The following AKAP6 variants were observed in gnomAD, a reference collection of about 807,000 sequenced individuals.
AKAP6 encodes A-kinase anchor protein 6.
In AKAP6, 58 loss-of-function variants were observed where a neutral mutation model predicts 188.5. The ratio of observed to expected loss-of-function variants is 0.31; its 90% CI spans 0.25 to 0.38. The LOEUF is 0.38. Ranked by LOEUF, AKAP6 falls within the 10% of genes least tolerant of loss-of-function variation. The pLI, the probability that AKAP6 is intolerant of heterozygous loss-of-function variation, is 1.00. For missense variants in AKAP6, 2,710 were observed against 2,740.0 expected, an observed-to-expected ratio of 0.99 and a Z score of 0.24; for synonymous variants, 989 against 998.6, an observed-to-expected ratio of 0.99 and a Z score of 0.18.
intron 7 of AKAP6, among the ~76,000 whole-genome samples, chr14:32,660,936 C>G (rs747557080): frequency 0.016 from 685 of 43,964 alleles, 10 homozygotes; most frequent in African/African-American, 0.071. Flanking sequence ...CCCCCCCCCT[C>G]CCAATTCCAG....
At position 32,545,994 on chromosome 14, in the gene AKAP6, C is replaced by A. The variant is rs777699344; in HGVS notation, c.1341C>A (p.Asn447Lys). 6.8e-6 allele frequency: 11 copies of A among 1,614,204 alleles called. No individual in the cohort carries two copies. In the South Asian group the frequency reaches 1.1e-4, roughly 16 times the overall value. Residue 447 changes from asparagine to lysine, a missense_variant, in exon 4 of 14, where the codon AAC becomes AAA. Physicochemically the swap from Asn to Lys is moderately conservative, Grantham distance 94. Coordinates refer to ENST00000280979, the MANE Select transcript of AKAP6 (RefSeq NM_004274.5). ...TGGTATTGCAGTCTTCTTACCCCAA[C>A]AGCCCTTCTGCTGCCAGCCAGTCTT... ...LCLVLQSSYP[N>K]SPSAASQSYE...
intron 2 of AKAP6, among the ~76,000 whole-genome samples, chr14:32,469,774 G>T (rs565898521): frequency 6.7e-6 from 1 of 148,494 alleles, no homozygotes; most frequent in East Asian, 2.0e-4. Context: ...GCTCGGAGAT[G>T]TTTCTAAAGT....
intron 7 of AKAP6, among the ~76,000 whole-genome samples, chr14:32,647,986 G>A (rs973048472): frequency 6.6e-6 from 1 of 152,096 alleles, no homozygotes; most frequent in African/African-American, 2.4e-5. Context: ...GCAAAAGGAA[G>A]TGTACCAAAA....
intron 7 of AKAP6, among the ~76,000 whole-genome samples, chr14:32,615,175 A>AAAAAAAG (rs1886516282): frequency 6.8e-6 from 1 of 147,426 alleles, no homozygotes; most frequent in South Asian, 2.2e-4. Context: ...CTCAAAAAAA[A>AAAAAAAG]AAAAAAAAAA....
chr14:32,461,856 A>C (rs886615761), intron 2 of AKAP6, among the ~76,000 whole-genome samples: 5 of 152,116 alleles, frequency 3.3e-5, no homozygotes, highest in Middle Eastern at 3.4e-3. Context: ...TAAACTGCTA[A>C]CTAGAATAAC....
At chr14:32,329,887 A>C (rs1488329649) in intron 1 of AKAP6, among the ~76,000 whole-genome samples, 1 of 152,136 alleles carries the variant, frequency 6.6e-6, no homozygotes, top group Non-Finnish European at 1.5e-5. Context: ...ACAAATGCTG[A>C]ATAAGCATTT....
At chr14:32,731,795 T>C (rs1261835891) in intron 9 of AKAP6, among the ~76,000 whole-genome samples, 1 of 152,086 alleles carries the variant, frequency 6.6e-6, no homozygotes, top group African/African-American at 2.4e-5. Context: ...AAACATCTTT[T>C]AGGAGAGACT....
rs758637825 is a variant in AKAP6 at position 32,545,459 on chromosome 14, T to A, written c.806T>A (p.Ile269Asn). The change falls in exon 4 of 14, where the codon ATC (isoleucine) becomes AAC (asparagine). Residue 269 changes from isoleucine (I) to asparagine (N), a missense_variant. Coordinates refer to ENST00000280979, the MANE Select transcript of AKAP6 (RefSeq NM_004274.5). The part of the protein sequence containing the change: ...SEMEKEFPEL[I>N]RSVGLLTVAA... ...ATGGAAAAGGAGTTTCCTGAGCTTA[T>A]CCGAAGTGTTGGTTTACTTACGGTA... is the stretch of plus-strand genomic sequence containing the variant. 1 of 1,614,210 alleles carries A rather than the reference T, an allele frequency of 6.2e-7. No individual in the cohort carries two copies. Among genetic ancestry groups the A allele is most frequent in the Non-Finnish European group, 8.5e-7 (1 of 1,180,020 alleles).
chr14:32,780,157 C>T (rs370548242), intron 12 of AKAP6, among the ~76,000 whole-genome samples: 9,840 of 119,524 alleles, frequency 0.082, 1,088 homozygotes, highest in African/African-American at 0.22. Context: ...AAAAAAAAAA[C>T]ATATATATAT....
intron 1 of AKAP6, among the ~76,000 whole-genome samples, chr14:32,408,435 G>T (rs986900848): frequency 2.6e-5 from 4 of 151,252 alleles, no homozygotes; most frequent in African/African-American, 9.7e-5. Context: ...GTACAAAAAG[G>T]TTTTCAGTGT....
intron 12 of AKAP6, among the ~76,000 whole-genome samples, chr14:32,778,674 T>C (rs73256917): frequency 0.011 from 1,685 of 151,654 alleles, 37 homozygotes; most frequent in African/African-American, 0.039. Context: ...AGTCTCCAAG[T>C]AGCTGAGAAT....
At chr14:32,621,336 A>G (rs1390119495) in intron 7 of AKAP6, among the ~76,000 whole-genome samples, 3 of 151,978 alleles carry the variant, frequency 2.0e-5, no homozygotes, top group Non-Finnish European at 4.4e-5. Context: ...TCCTCTTACC[A>G]TTGCTTTTGC....
At chr14:32,420,221 C>T (rs1889796294) in intron 1 of AKAP6, among the ~76,000 whole-genome samples, 1 of 152,160 alleles carries the variant, frequency 6.6e-6, no homozygotes, top group South Asian at 2.1e-4. Context: ...GTAACTACCT[C>T]TATCTTGAAA....
intron 4 of AKAP6, among the ~76,000 whole-genome samples, chr14:32,559,550 G>C (rs1022526737): frequency 3.9e-5 from 6 of 152,158 alleles, no homozygotes; most frequent in African/African-American, 1.4e-4. Context: ...TTGGCCCAGA[G>C]AGTTGGTAGT....
At chr14:32,707,695 TA>T (rs1365563225) in intron 9 of AKAP6, among the ~76,000 whole-genome samples, 2 of 152,236 alleles carry the variant, frequency 1.3e-5, no homozygotes, top group Non-Finnish European at 2.9e-5. Context: ...GCTTATTCAA[TA>T]GTTAATTAAA....
chr14:32,563,013 A>C (rs1208073347), intron 4 of AKAP6, among the ~76,000 whole-genome samples: 1 of 152,174 alleles, frequency 6.6e-6, no homozygotes, highest in Non-Finnish European at 1.5e-5. Flanking sequence ...CTTTCTAGAC[A>C]CACTTTTATA....
intron 9 of AKAP6, among the ~76,000 whole-genome samples, chr14:32,712,765 C>T (rs2029961523): frequency 5.3e-5 from 8 of 152,082 alleles, no homozygotes; most frequent in Admixed American, 5.3e-4. Context: ...GCTATTTCCA[C>T]CACATCTGCT....
chr14:32,336,806 TC>T (rs1466975523), intron 1 of AKAP6, among the ~76,000 whole-genome samples: 2 of 152,166 alleles, frequency 1.3e-5, no homozygotes, highest in South Asian at 2.1e-4. Context: ...CTACTCCACC[TC>T]GTCTCTTATC....
In AKAP6 at chr14:32,823,222, G is replaced by T. The variant is rs2034579504; in HGVS notation, c.5409G>T (p.Gln1803His). The T allele has an allele frequency of 1.1e-5, 17 of 1,613,696 alleles. No homozygotes were observed. The highest frequency in any genetic ancestry group is 1.4e-5 in the Non-Finnish European group (17 of 1,179,876). Reference protein sequence around the residue: ...SGLDYIKNELQTWIRPKLSLT... With the variant: ...SGLDYIKNELHTWIRPKLSLT... Reference sequence around the variant, plus strand: ...TAGACTACATAAAGAATGAATTACAGACCTGGATTAGGCCAAAATTGTCTT... The same window carrying T: ...TAGACTACATAAAGAATGAATTACATACCTGGATTAGGCCAAAATTGTCTT... Residue 1803 changes from glutamine to histidine, a missense_variant, in exon 13 of 14, where the codon CAG becomes CAT. This residue lies in a region of AKAP6 where 2,473 missense variants were observed against 2,426.1 expected (regional missense o/e 1.02). Transcript: ENST00000280979.
Sources: allele counts gnomAD v4.1 joint callset (sites outside exome capture counted in the v4.1 genomes callset), GRCh38; gene constraint gnomAD v4.1.1; regional missense constraint gnomAD v4.1.1; transcripts MANE v1.5; gene names NCBI Gene and HGNC (gene_info 2026-07-23, HGNC 2026-07-21).